KDM5A: variants seen among roughly 807,000 people sequenced by gnomAD.
KDM5A encodes lysine demethylase 5A.
In KDM5A, 42 loss-of-function variants were observed where a neutral mutation model predicts 193.5. The ratio of observed to expected loss-of-function variants is 0.22; its 90% CI spans 0.17 to 0.28. The LOEUF is 0.28. KDM5A is among the 10% of genes least tolerant of loss of function. The probability of loss-of-function intolerance (pLI) is 1.00; values close to 1 mark genes in which losing one functional copy is unlikely to be tolerated. For synonymous variants in KDM5A, 796 were observed against 718.1 expected, an observed-to-expected ratio of 1.11 and a Z score of -1.73; for missense variants, 1,692 against 2,055.1, an observed-to-expected ratio of 0.82 and a Z score of 3.42.
chr12:359,757 G>GT (rs2137462677), intron 5 of KDM5A, among the ~76,000 whole-genome samples: 1 of 146,014 alleles, frequency 6.8e-6, no homozygotes, highest in Non-Finnish European at 1.5e-5. Context: ...AAAAAAAAGG[G>GT]TGGGGGGGAG....
intron 3 of KDM5A, among the ~76,000 whole-genome samples, chr12:377,007 T>C (rs2369276): frequency 0.71 from 106,886 of 151,574 alleles, 37,853 homozygotes; most frequent in Middle Eastern, 0.78. Context: ...TTCAGAGGAG[T>C]CCCCTTCCTC....
At chr12:333,024 T>C (rs1049795022) in intron 12 of KDM5A, 1 of 203,708 alleles carries the variant, frequency 4.9e-6, no homozygotes, top group Non-Finnish European at 1.0e-5. Context: ...CCCTGCAGAG[T>C]ACGAATTCTA....
At chr12:290,664 A>G (rs927817441) in intron 27 of KDM5A, among the ~76,000 whole-genome samples, 1 of 152,184 alleles carries the variant, frequency 6.6e-6, no homozygotes, top group Non-Finnish European at 1.5e-5. Flanking sequence ...TCTTATCATC[A>G]TAACCCTTTG....
chr12:363,226 A>G, intron 4 of KDM5A, 129 bp from the exon 5 acceptor site: 1 of 1,027,144 alleles, frequency 9.7e-7, no homozygotes, highest in Non-Finnish European at 1.5e-6. Context: ...AAACTGACAT[A>G]CAGCTATCCC....
At chr12:288,408 AC>A (rs1250235731) in intron 27 of KDM5A, among the ~76,000 whole-genome samples, 1 of 152,216 alleles carries the variant, frequency 6.6e-6, no homozygotes, top group Non-Finnish European at 1.5e-5. Flanking sequence ...ATTTTACATT[AC>A]AGTACAAATA....
intron 3 of KDM5A, among the ~76,000 whole-genome samples, chr12:373,565 G>A (rs1944460942): frequency 6.6e-6 from 1 of 151,988 alleles, no homozygotes; most frequent in Admixed American, 6.6e-5. Flanking sequence ...AGGGTTTTTT[G>A]TGTCTCTATC....
In KDM5A at chr12:385,484, G is replaced by A. The variant is rs535778173; in HGVS notation, c.243+413C>T. Among the ~76,000 whole-genome samples the A allele has an allele frequency of 1.6e-4, 25 of 151,928 alleles. No homozygotes were observed. The South Asian group carries it at 5.0e-3, about 30-fold the overall frequency. ...TTAATAAATCAGATTAACACTCCTG[G>A]CAAAGTTCCATTAAAACCAAAACCA... On this transcript the variant is annotated intron_variant, in intron 2 of 27. Transcript: ENST00000399788.
At chr12:290,613 G>A (rs569419889) in intron 27 of KDM5A, among the ~76,000 whole-genome samples, 1 of 152,164 alleles carries the variant, frequency 6.6e-6, no homozygotes, top group African/African-American at 2.4e-5. Flanking sequence ...CACTTACGTT[G>A]CATTTTTTGG....
Position 285,703 on chromosome 12 carries a change from C to T in KDM5A, c.4867-41G>A, listed in dbSNP as rs1242677739. The T allele has an allele frequency of 1.9e-6, 3 of 1,566,132 alleles. No homozygotes were observed. In the African/African-American group the frequency reaches 4.1e-5, roughly 21 times the overall value. ...TTGGGGAATGTTTAGGTTACATAAA[C>T]ATTAAGCCTAGAATAAAAGCAAACC... On this transcript the variant is annotated intron_variant, in intron 27 of 27. Coordinates refer to ENST00000399788, the MANE Select transcript of KDM5A (RefSeq NM_001042603.3).
chr12:305,756 CA>C (rs1591903900), intron 24 of KDM5A, among the ~76,000 whole-genome samples: 1 of 152,196 alleles, frequency 6.6e-6, no homozygotes, highest in East Asian at 1.9e-4. Flanking sequence ...GGATCCAACA[CA>C]AAACAAACTT....
At chr12:334,627 C>T (rs1019605039) in intron 10 of KDM5A, among the ~76,000 whole-genome samples, 1 of 152,066 alleles carries the variant, frequency 6.6e-6, no homozygotes, top group Non-Finnish European at 1.5e-5. Context: ...TTTAGATTTC[C>T]CTTTATTTCA....
intron 10 of KDM5A, among the ~76,000 whole-genome samples, chr12:339,178 CA>C (rs71687052): frequency 0.3 from 31,663 of 107,148 alleles, 3,451 homozygotes; most frequent in African/African-American, 0.41. Context: ...AACCCCATCT[CA>C]AAAAAAAAAA....
chr12:306,980 T>A lies in KDM5A; in HGVS notation c.4040A>T (p.Glu1347Val), dbSNP rs1348797792. 4 of 1,614,086 alleles carry A rather than the reference T, an allele frequency of 2.5e-6. No individual in the cohort carries two copies. Among genetic ancestry groups the A allele is most frequent in the Non-Finnish European group, 3.4e-6 (4 of 1,179,984 alleles). ...GTAGCCATATGTCTCTCGAATGTCT[T>A]CATCAGAGTCTGTTTCTTCATCATC... The part of the protein sequence containing the change: ...DYDDEETDSD[E>V]DIRETYGYDM... Residue 1347 changes from glutamate to valine, a missense_variant, in exon 24 of 28, where the codon GAA becomes GTA. Glu to Val is a moderately radical substitution (Grantham distance 121). Around this residue, in one of 11 missense-constraint regions of KDM5A, gnomAD observed 965 missense variants for 1,061.0 expected, o/e 0.91. Transcript: ENST00000399788.
chr12:287,051 A>G (rs1368356385), intron 27 of KDM5A, among the ~76,000 whole-genome samples: 1 of 152,118 alleles, frequency 6.6e-6, no homozygotes, highest in Non-Finnish European at 1.5e-5. Flanking sequence ...TGTATGGCAA[A>G]ACACCTAATT....
intron 19 of KDM5A, among the ~76,000 whole-genome samples, chr12:317,126 TG>T (rs1164183498): frequency 1.3e-5 from 2 of 152,216 alleles, no homozygotes; most frequent in Non-Finnish European, 2.9e-5. Flanking sequence ...TTAAGTCCAA[TG>T]GGGTGCTGAT....
rs183595589 is a variant in KDM5A at position 357,018 on chromosome 12, C to T, written c.673-481G>A. On this transcript the variant is annotated intron_variant, in intron 5 of 27. Transcript: ENST00000399788. ...GCGAATGGCCAGACACAATGGCTCA[C>T]ACCTGTAATCCCAACACATTGGAAG... Among the ~76,000 whole-genome samples, 8 of 152,306 alleles carry T rather than the reference C, an allele frequency of 5.3e-5. No individual in the cohort carries two copies. The East Asian group carries it at 1.5e-3, about 29-fold the overall frequency.
intron 10 of KDM5A, among the ~76,000 whole-genome samples, chr12:337,909 C>T (rs936458254): frequency 6.6e-6 from 1 of 152,078 alleles, no homozygotes; most frequent in Non-Finnish European, 1.5e-5. Context: ...TCCCAAAGTG[C>T]TGAGATTACA....
At chr12:322,267 G>A (rs912239481) in intron 17 of KDM5A, 150 bp downstream of exon 17, 7 of 675,920 alleles carry the variant, frequency 1.0e-5, no homozygotes, top group African/African-American at 1.8e-5. Context: ...AGAATAGTAG[G>A]AGATAAAACT....
In KDM5A at chr12:281,068, T is replaced by A. The variant is rs1448442064; in HGVS notation, c.*4388A>T. 4.3e-6 allele frequency: 1 copy of A among 232,900 alleles called. No individual in the cohort carries two copies. Among genetic ancestry groups the A allele is most frequent in the African/African-American group, 2.2e-5 (1 of 45,326 alleles). 14.4% of individuals were successfully genotyped at this position (232,900 alleles called of 1,614,324 possible). A position where few individuals can be genotyped will look rare whatever the true frequency, so the allele number is the denominator to read the frequency against. ...TGCCACCAATGTAAATGACAGGGGT[T>A]AGGGTGGGTATGGGTGTGGGGAACC... On this transcript the variant is annotated 3_prime_UTR_variant, in exon 28 of 28. Transcript: ENST00000399788.
Sources: allele counts gnomAD v4.1 joint callset (sites outside exome capture counted in the v4.1 genomes callset), GRCh38; gene constraint gnomAD v4.1.1; regional missense constraint gnomAD v4.1.1; transcripts MANE v1.5; gene names NCBI Gene and HGNC (gene_info 2026-07-23, HGNC 2026-07-21).